The following PPP2R2B variants were observed in gnomAD, a reference collection of about 807,000 sequenced individuals.
PPP2R2B encodes the protein serine/threonine-protein phosphatase 2A 55 kDa regulatory subunit B beta isoform.
PPP2R2B carries 5 observed loss-of-function variants against 46.0 expected under a neutral mutation model. The ratio of observed to expected loss-of-function variants is 0.11; its 90% confidence interval spans 0.06 to 0.23. PPP2R2B has a LOEUF of 0.23. Ranked by LOEUF, PPP2R2B falls within the 10% of genes least tolerant of loss-of-function variation. The probability of loss-of-function intolerance (pLI) is 1.00; values close to 1 mark genes in which losing one functional copy is unlikely to be tolerated. For missense variants in PPP2R2B, 367 were observed against 575.0 expected, an observed-to-expected ratio of 0.64 and a Z score of 3.70; for synonymous variants, 215 against 206.7, an observed-to-expected ratio of 1.04 and a Z score of -0.34.
At chr5:146,814,718 C>G (rs190480359) in intron 2 of PPP2R2B, among the ~76,000 whole-genome samples, 15 of 152,342 alleles carry the variant, frequency 9.8e-5, no homozygotes, top group Admixed American at 2.0e-4. Context: ...TGTGGTCCCC[C>G]CCAAGTGCTG....
intron 7 of PPP2R2B, chr5:146,607,350 G>A (rs1772392731): frequency 6.6e-6 from 1 of 152,104 alleles, no homozygotes; most frequent in East Asian, 1.9e-4. Context: ...GACACAGATT[G>A]GAGACTGCAA....
intron 2 of PPP2R2B, among the ~76,000 whole-genome samples, chr5:146,756,355 G>T (rs1443956026): frequency 6.6e-6 from 1 of 152,084 alleles, no homozygotes; most frequent in East Asian, 1.9e-4. Context: ...GATTACTCTG[G>T]TTTTCCTTTC....
At chr5:146,647,480 A>G (rs1321311411) in intron 6 of PPP2R2B, among the ~76,000 whole-genome samples, 1 of 152,168 alleles carries the variant, frequency 6.6e-6, no homozygotes, top group Non-Finnish European at 1.5e-5. Flanking sequence ...AACTATATAG[A>G]TATCACTTAT....
intron 1 of PPP2R2B, among the ~76,000 whole-genome samples, chr5:146,899,377 A>G (rs188806678): frequency 0.02 from 3,038 of 148,442 alleles, 30 homozygotes; most frequent in Middle Eastern, 0.048. Context: ...CGCAAGAACA[A>G]AAAACCAAAC....
intron 5 of PPP2R2B, among the ~76,000 whole-genome samples, chr5:146,658,288 A>G (rs1435812600): frequency 6.6e-6 from 1 of 152,150 alleles, no homozygotes; most frequent in Non-Finnish European, 1.5e-5. Context: ...ACTAGACGGT[A>G]AATCTCTCAG....
At chr5:147,050,192 A>G (rs1756739301) in intron 1 of PPP2R2B, among the ~76,000 whole-genome samples, 1 of 152,208 alleles carries the variant, frequency 6.6e-6, no homozygotes, top group African/African-American at 2.4e-5. Flanking sequence ...ATAAAGCAAT[A>G]TCAAACAATG....
At chr5:146,783,460 C>T (rs530586657) in intron 2 of PPP2R2B, among the ~76,000 whole-genome samples, 38 of 152,212 alleles carry the variant, frequency 2.5e-4, no homozygotes, top group Non-Finnish European at 4.0e-4. Flanking sequence ...TGTCTGGACC[C>T]GTCATTTTCT....
chr5:147,060,034 C>T (rs1308638115), upstream of PPP2R2B, among the ~76,000 whole-genome samples: 1 of 151,906 alleles, frequency 6.6e-6, no homozygotes, highest in Non-Finnish European at 1.5e-5. Context: ...AAACTAAATC[C>T]CAGGAAAAAA....
At chr5:147,081,025 G>A (rs1757953868) in intron 2 of PPP2R2B, 6 of 1,515,502 alleles carry the variant, frequency 4.0e-6, no homozygotes, top group Admixed American at 2.0e-5. Context: ...AACTCCCAAG[G>A]AGGCAAGGAA....
At position 146,657,221 on chromosome 5, in the gene PPP2R2B, GC is replaced by G. The variant is rs569424350; in HGVS notation, c.448-6498del. Among the ~76,000 whole-genome samples the G allele has an allele frequency of 1.9e-4, 29 of 152,248 alleles. No individual in the cohort carries two copies. The East Asian group carries it at 5.4e-3, about 29-fold the overall frequency. ...GGCCATGGGGAGGACTCCCCTCAAT[GC>G]GCCTTCATGAGAGGAGTTTTTCACA... On this transcript the variant is annotated intron_variant, in intron 5 of 9. Transcript: ENST00000394411.
rs192994629 is a variant in PPP2R2B at position 146,986,040 on chromosome 5, A to T, written c.79+69625T>A. ...ATTGAATAATAATTCATGTAAGACA[A>T]CACCTTCACAAGAACTAAAGAAATC... On this transcript the variant is annotated intron_variant, in intron 1 of 8. Coordinates refer to the PPP2R2B transcript ENST00000336640. Among the ~76,000 whole-genome samples the T allele has an allele frequency of 5.3e-3, 806 of 152,310 alleles. 2 individuals carry two copies. The highest frequency in any genetic ancestry group is 9.1e-3 in the Non-Finnish European group (622 of 68,014).
intron 2 of PPP2R2B, among the ~76,000 whole-genome samples, chr5:146,776,243 A>C (rs2151276244): frequency 6.6e-6 from 1 of 152,262 alleles, no homozygotes; most frequent in Admixed American, 6.5e-5. Context: ...TCCTAATTTC[A>C]AAACTTACTT....
At chr5:146,819,647 A>G (rs772326619) in intron 2 of PPP2R2B, among the ~76,000 whole-genome samples, 87 of 152,206 alleles carry the variant, frequency 5.7e-4, no homozygotes, top group Non-Finnish European at 8.7e-4. Context: ...ATGAATGTAT[A>G]TTAAAATGAA....
chr5:146,840,237 C>A (rs988416299), intron 2 of PPP2R2B, among the ~76,000 whole-genome samples: 1 of 116,586 alleles, frequency 8.6e-6, no homozygotes, highest in African/African-American at 2.7e-5. Context: ...ATATACATAA[C>A]AAACATTTAA....
intron 1 of PPP2R2B, among the ~76,000 whole-genome samples, chr5:147,042,109 T>C (rs1756339779): frequency 6.6e-6 from 1 of 152,212 alleles, no homozygotes. Flanking sequence ...TCCCCACGTC[T>C]ATCACCTTGT....
intron 2 of PPP2R2B, among the ~76,000 whole-genome samples, chr5:146,820,724 G>GAGTCCT (rs1399274939): frequency 6.6e-6 from 1 of 151,936 alleles, no homozygotes; most frequent in Non-Finnish European, 1.5e-5. Flanking sequence ...CAAACTCACT[G>GAGTCCT]AGTCCTAAAT....
chr5:146,864,217 A>G (rs538097239), intron 2 of PPP2R2B, among the ~76,000 whole-genome samples: 1 of 152,246 alleles, frequency 6.6e-6, no homozygotes, highest in Admixed American at 6.5e-5. Flanking sequence ...GTTCAACTAT[A>G]GAATGTTAAC....
rs562957944 is a variant in PPP2R2B, at chr5:146,591,854, CT to C, written c.1052+1116del. Among the ~76,000 whole-genome samples, 12 of 152,128 alleles carry C rather than the reference CT, an allele frequency of 7.9e-5. No individual in the cohort carries two copies. The East Asian group carries it at 2.3e-3, about 29-fold the overall frequency. ...CTTTATCTTGCTAAGCCTCAGTTTC[CT>C]TAACTGTAAAATGAGAACGATGGAA... is the stretch of plus-strand genomic sequence containing the variant. On this transcript the variant is annotated intron_variant, in intron 9 of 9. Coordinates refer to ENST00000394411, the MANE Select transcript of PPP2R2B (RefSeq NM_181675.4).
At chr5:147,067,035 T>C (rs1035092768) in intron 2 of PPP2R2B, among the ~76,000 whole-genome samples, 2 of 152,230 alleles carry the variant, frequency 1.3e-5, no homozygotes, top group African/African-American at 4.8e-5. Context: ...TAACATCTGC[T>C]AGACGGTCAG....
Sources: allele counts gnomAD v4.1 joint callset (sites outside exome capture counted in the v4.1 genomes callset), GRCh38; gene constraint gnomAD v4.1.1; transcripts MANE v1.5; gene names NCBI Gene and HGNC (gene_info 2026-07-23, HGNC 2026-07-21).